The following PTPRT variants were observed in gnomAD, a reference collection of about 807,000 sequenced individuals.
PTPRT encodes protein tyrosine phosphatase receptor type T.
A neutral mutation model predicts 176.8 loss-of-function variants in PTPRT; 56 were observed. That is an observed-to-expected ratio of 0.32 (90% CI 0.26 to 0.40). The LOEUF (loss-of-function observed/expected upper bound fraction) is 0.40, where lower values mean the gene tolerates loss of function less well. Among genes scored for constraint, PTPRT ranks in the 10% least tolerant of loss-of-function variants. PTPRT has a pLI of 1.00. For synonymous variants in PTPRT, 783 were observed against 739.0 expected (o/e 1.06, Z -0.96); for missense variants, 1,540 against 1,908.2 (o/e 0.81, Z 3.60).
At chr20:42,158,049 A>G (rs932350670) in intron 17 of PTPRT, among the ~76,000 whole-genome samples, 2 of 152,198 alleles carry the variant, frequency 1.3e-5, no homozygotes, top group African/African-American at 4.8e-5. Flanking sequence ...AAGGCTCTGA[A>G]CACTGTGTAG....
chr20:42,594,664 G>T (rs746811247), intron 7 of PTPRT, among the ~76,000 whole-genome samples: 1 of 152,110 alleles, frequency 6.6e-6, no homozygotes, highest in Non-Finnish European at 1.5e-5. Context: ...CTTTAGAAGG[G>T]TAGCGTCCCT....
At chr20:42,792,997 C>T (rs1208180957) in intron 2 of PTPRT, among the ~76,000 whole-genome samples, 1 of 152,200 alleles carries the variant, frequency 6.6e-6, no homozygotes, top group Non-Finnish European at 1.5e-5. Flanking sequence ...CCCTGAACCA[C>T]CATGCAGAGC....
At chr20:42,452,910 A>G (rs2070856487) in intron 8 of PTPRT, among the ~76,000 whole-genome samples, 1 of 152,170 alleles carries the variant, frequency 6.6e-6, no homozygotes, top group Non-Finnish European at 1.5e-5. Context: ...AATTTTCTCA[A>G]TTGTAAAGGA....
At chr20:42,296,109 GACAA>G (rs1383605722) in intron 12 of PTPRT, among the ~76,000 whole-genome samples, 2 of 152,202 alleles carry the variant, frequency 1.3e-5, no homozygotes, top group Non-Finnish European at 2.9e-5. Flanking sequence ...AGAAAAATCT[GACAA>G]ACCAGATAGC....
intron 15 of PTPRT, among the ~76,000 whole-genome samples, chr20:42,217,996 A>G (rs999607013): frequency 9.2e-5 from 14 of 152,230 alleles, no homozygotes; most frequent in African/African-American, 3.4e-4. Context: ...TAAAACAGGT[A>G]AAGGGAACAG....
At chr20:42,350,599 G>T in intron 11 of PTPRT, 29 bp downstream of exon 11, 1 of 1,531,898 alleles carries the variant, frequency 6.5e-7, no homozygotes, top group Non-Finnish European at 9.0e-7. Context: ...AAGAAAAACT[G>T]CAGACTCCAA....
intron 7 of PTPRT, among the ~76,000 whole-genome samples, chr20:42,613,640 A>G (rs934122311): frequency 6.6e-6 from 1 of 152,238 alleles, no homozygotes; most frequent in Non-Finnish European, 1.5e-5. Context: ...GGAGGCTAAG[A>G]TTACCCTTTA....
intron 7 of PTPRT, among the ~76,000 whole-genome samples, chr20:42,674,995 G>C (rs1031121960): frequency 3.3e-5 from 5 of 152,200 alleles, no homozygotes; most frequent in African/African-American, 7.2e-5. Flanking sequence ...AGAAACATTA[G>C]TGAAGGAGAA....
chr20:42,588,204 G>A (rs2073505572), intron 7 of PTPRT, among the ~76,000 whole-genome samples: 1 of 152,170 alleles, frequency 6.6e-6, no homozygotes, highest in African/African-American at 2.4e-5. Context: ...AGCACTGTGG[G>A]AGGCTAAGGT....
intron 1 of PTPRT, among the ~76,000 whole-genome samples, chr20:43,126,478 T>C (rs79519354): frequency 0.011 from 1,663 of 152,368 alleles, 16 homozygotes; most frequent in Non-Finnish European, 0.019. Context: ...CCCACTGTTA[T>C]AGTCAATGCC....
intron 2 of PTPRT, among the ~76,000 whole-genome samples, chr20:42,857,517 T>C (rs1384654789): frequency 6.6e-6 from 1 of 152,238 alleles, no homozygotes; most frequent in Non-Finnish European, 1.5e-5. Flanking sequence ...CTGTCAGCTT[T>C]TCTCTCCGAG....
At chr20:42,972,890 C>A (rs1982738090) in intron 1 of PTPRT, among the ~76,000 whole-genome samples, 1 of 151,992 alleles carries the variant, frequency 6.6e-6, no homozygotes, top group African/African-American at 2.4e-5. Context: ...TGTGTGGCTA[C>A]TGAGTACCTA....
At chr20:42,698,612 T>C (rs948910145) in intron 6 of PTPRT, among the ~76,000 whole-genome samples, 15 of 152,200 alleles carry the variant, frequency 9.9e-5, no homozygotes, top group East Asian at 1.9e-4. Context: ...CCCTTACCAA[T>C]GAAATCAGAA....
At chr20:42,342,325 T>C (rs1175819245) in intron 11 of PTPRT, among the ~76,000 whole-genome samples, 5 of 152,144 alleles carry the variant, frequency 3.3e-5, no homozygotes, top group African/African-American at 1.2e-4. Context: ...CCCAATCTGG[T>C]GTGATGAAGT....
chr20:42,467,075 G>GGAAGAT (rs1184435897), intron 8 of PTPRT, among the ~76,000 whole-genome samples: 1 of 152,204 alleles, frequency 6.6e-6, no homozygotes, highest in East Asian at 1.9e-4. Flanking sequence ...AAAACAGGGA[G>GGAAGAT]GAAGATGAAG....
At chr20:42,741,536 G>A (rs1417105297) in intron 6 of PTPRT, among the ~76,000 whole-genome samples, 1 of 152,052 alleles carries the variant, frequency 6.6e-6, no homozygotes, top group Admixed American at 6.6e-5. Context: ...AGTAGAGATA[G>A]GGTTTCACCA....
chr20:42,621,913 A>T (rs1242519241), intron 7 of PTPRT, among the ~76,000 whole-genome samples: 1 of 152,184 alleles, frequency 6.6e-6, no homozygotes, highest in East Asian at 1.9e-4. Flanking sequence ...GGACTTAGGA[A>T]GGGCAAAGAC....
intron 14 of PTPRT, among the ~76,000 whole-genome samples, chr20:42,243,454 G>C (rs1436247114): frequency 6.6e-6 from 1 of 152,150 alleles, no homozygotes; most frequent in African/African-American, 2.4e-5. Flanking sequence ...GCAGGAGGCT[G>C]GTGGAAAGGC....
chr20:42,270,596 T>C lies in PTPRT; in HGVS notation c.2176+11893A>G, dbSNP rs1224171286. The stretch of plus-strand genomic sequence containing the variant: ...CACACTAAATAGCAAAAGAACATCA[T>C]GATTTAACAAAACAGGGCCTGAAAT... On this transcript the variant is annotated intron_variant, in intron 13 of 30. Transcript: ENST00000373187. 12 of 670,256 alleles carry C rather than the reference T, an allele frequency of 1.8e-5. No individual in the cohort carries two copies. The South Asian group carries it at 2.1e-4, about 12-fold the overall frequency. The allele number at this position is 670,256 out of a possible 1,614,324, so 41.5% of individuals were successfully genotyped here. A position where few individuals can be genotyped will look rare whatever the true frequency, so the allele number is the denominator to read the frequency against.
Sources: gnomAD v4.1 joint callset for allele counts (sites outside exome capture counted in the v4.1 genomes callset) on GRCh38, gnomAD v4.1.1 for gene constraint, MANE v1.5 for transcripts, NCBI Gene and HGNC (gene_info 2026-07-23, HGNC 2026-07-21) for gene names.